The following BRCC3 variants were observed in gnomAD, a reference collection of about 807,000 sequenced individuals.
BRCC3 encodes the protein BRCA1/BRCA2-containing complex subunit 3.
BRCC3 carries 15 observed loss-of-function variants against 28.0 expected under a neutral mutation model. The observed-to-expected ratio is 0.54, with a 90% CI of 0.36 to 0.82. BRCC3 has a LOEUF of 0.82. Ranked by LOEUF, BRCC3 falls within the 40% of genes least tolerant of loss-of-function variation. The pLI, the probability that BRCC3 is intolerant of heterozygous loss-of-function variation, is 0.01. For synonymous variants in BRCC3, 66 were observed against 80.3 expected (o/e 0.82, Z 0.95); for missense variants, 109 against 225.9 (o/e 0.48, Z 3.32).
chrX:155,091,007 G>A (rs1044668983), intron 7 of BRCC3, among the ~76,000 whole-genome samples, 168 bp downstream of exon 7: 2 of 111,765 alleles, frequency 1.8e-5, no homozygotes, highest in Non-Finnish European at 3.8e-5. Context: ...TTAGCAGCTT[G>A]GATACTGGGG....
chrX:155,091,359 C>A lies in BRCC3; in HGVS notation c.548+520C>A, dbSNP rs1028205420. Among the ~76,000 whole-genome samples the A allele has an allele frequency of 3.6e-5, 4 of 109,952 alleles. No individual in the cohort carries two copies. The East Asian group carries it at 1.1e-3, about 31-fold the overall frequency. ...TAATCTTGGCTCAGTGTAACCTCCACCTCCCGGGTTCATGCATTTCTCCTG... is the reference window on the plus strand; with the variant it reads ...TAATCTTGGCTCAGTGTAACCTCCAACTCCCGGGTTCATGCATTTCTCCTG... On this transcript the variant is annotated intron_variant, in intron 7 of 10. Transcript: ENST00000330045.
intron 5 of BRCC3, among the ~76,000 whole-genome samples, chrX:155,083,797 A>G (rs2074100637): frequency 8.9e-6 from 1 of 112,582 alleles, no homozygotes; most frequent in Admixed American, 9.4e-5. Flanking sequence ...TTAAAATCCC[A>G]TCTTATAAAA....
At chrX:155,098,961 T>TTTTG (rs201052228) in intron 7 of BRCC3, among the ~76,000 whole-genome samples, 8 of 111,209 alleles carry the variant, frequency 7.2e-5, no homozygotes, top group African/African-American at 1.3e-4. Context: ...TGAAGCTGTT[T>TTTTG]TTTGTTTGTT....
chrX:155,085,943 G>A (rs1341160537), intron 5 of BRCC3, among the ~76,000 whole-genome samples: 1 of 111,836 alleles, frequency 8.9e-6, no homozygotes, highest in East Asian at 2.8e-4. Flanking sequence ...GTGATTTCAG[G>A]AGGTTCTTTC....
chrX:155,122,711 G>A lies in BRCC3; in HGVS notation c.*1507G>A. On this transcript the variant is annotated 3_prime_UTR_variant, in exon 11 of 11. Coordinates refer to ENST00000330045, the MANE Select transcript of BRCC3 (RefSeq NM_001018055.3). ...ACAAGAACTTGGTTGTACCTCAGGG[G>A]TATTATGGTGAACAAAAAAAAAACC... 9.0e-6 allele frequency: 1 copy of A among 110,633 alleles called. No homozygotes were observed. The highest frequency in any genetic ancestry group is 1.9e-5 in the Non-Finnish European group (1 of 52,837). 9.1% of individuals were successfully genotyped at this position (110,633 alleles called of 1,213,427 possible).
chrX:155,113,488 A>T (rs1196267758), intron 7 of BRCC3, among the ~76,000 whole-genome samples: 2 of 111,435 alleles, frequency 1.8e-5, no homozygotes, highest in Non-Finnish European at 3.8e-5. Context: ...TACACCGTAT[A>T]TAAAACTTAA....
chrX:155,106,270 T>A (rs1429292410), intron 7 of BRCC3, among the ~76,000 whole-genome samples: 1 of 111,964 alleles, frequency 8.9e-6, no homozygotes, highest in Non-Finnish European at 1.9e-5. Context: ...TTGTTAATGT[T>A]TTTTTTCTAT....
Position 155,071,559 on chromosome X carries a change from C to T in BRCC3, c.32C>T (p.Ala11Val). Residue 11 changes from alanine (A) to valine (V), a missense_variant, in exon 1 of 11, where the codon GCG becomes GTG. By Grantham distance (64) the Ala-to-Val change is moderately conservative. Transcript: ENST00000330045. ...GTGCAGGTGGTGCAGGCGGTGCAGGCGGTTCATCTCGAGTCTGACGCTTTC... is the reference window on the plus strand; with the variant it reads ...GTGCAGGTGGTGCAGGCGGTGCAGGTGGTTCATCTCGAGTCTGACGCTTTC... MAVQVVQAVQ[A>V]VHLESDAFLV... is the part of the protein sequence containing the mutation. 1.7e-6 allele frequency: 2 copies of T among 1,205,319 alleles called. No homozygotes were observed. The highest frequency in any genetic ancestry group is 1.7e-5 in the African/African-American group (1 of 57,830).
intron 7 of BRCC3, among the ~76,000 whole-genome samples, chrX:155,105,492 A>T (rs782619128): frequency 8.9e-6 from 1 of 112,077 alleles, no homozygotes. Context: ...TAATTAAAAA[A>T]AAGCTTATCT....
At chrX:155,084,808 A>AT (rs2074110271) in intron 5 of BRCC3, among the ~76,000 whole-genome samples, 1 of 107,636 alleles carries the variant, frequency 9.3e-6, no homozygotes, top group East Asian at 2.9e-4. Flanking sequence ...CTGTCTCTTA[A>AT]TTTTTTTTTT....
chrX:155,077,511 A>G (rs1263082641), intron 4 of BRCC3, among the ~76,000 whole-genome samples: 1 of 111,904 alleles, frequency 8.9e-6, no homozygotes, highest in African/African-American at 3.3e-5. Context: ...AAAAGATCTC[A>G]GGGTCAAACA....
intron 7 of BRCC3, among the ~76,000 whole-genome samples, chrX:155,095,337 G>A (rs1557296127): frequency 9.0e-6 from 1 of 111,391 alleles, no homozygotes; most frequent in African/African-American, 3.3e-5. Flanking sequence ...TTTTGTTCTT[G>A]TCACCCAGAC....
rs147474270 is a variant in BRCC3 at position 155,112,484 on chromosome X, C to T, written c.549-3573C>T. ...AATTTTTCATCTAACATTTTTGGAC[C>T]GTGGTTGACCACAGGTAACTGAAAC... On this transcript the variant is annotated intron_variant, in intron 7 of 10. Transcript: ENST00000330045. Among the ~76,000 whole-genome samples the T allele has an allele frequency of 3.5e-3, 396 of 112,573 alleles. 1 individual carries two copies. The highest frequency in any genetic ancestry group is 0.014 in the Middle Eastern group (3 of 219).
At chrX:155,077,334 C>T (rs868982302) in intron 4 of BRCC3, 45 bp downstream of exon 4, 3 of 1,116,929 alleles carry the variant, frequency 2.7e-6, no homozygotes, top group Middle Eastern at 5.2e-4. Context: ...TCTGGGGTTC[C>T]TGGGCCGCAT....
At chrX:155,107,536 C>T (rs1471673460) in intron 7 of BRCC3, among the ~76,000 whole-genome samples, 1 of 110,152 alleles carries the variant, frequency 9.1e-6, no homozygotes, top group African/African-American at 3.3e-5. Flanking sequence ...TTCCTTATAC[C>T]ACCTGGCCAA....
intron 6 of BRCC3, 116 bp from the exon 7 acceptor site, chrX:155,090,668 A>G: frequency 1.9e-6 from 1 of 539,562 alleles, no homozygotes; most frequent in Non-Finnish European, 3.1e-6. Context: ...AATTTATGGC[A>G]TATTCCATCT....
chrX:155,086,516 A>G (rs2074130590), intron 5 of BRCC3, among the ~76,000 whole-genome samples: 1 of 109,603 alleles, frequency 9.1e-6, no homozygotes, highest in Non-Finnish European at 1.9e-5. Flanking sequence ...ACGCCTGGCT[A>G]ATTTTTTTTT....
chrX:155,088,469 TCAGCCTCC>T (rs2074150447), intron 5 of BRCC3, among the ~76,000 whole-genome samples: 1 of 106,711 alleles, frequency 9.4e-6, no homozygotes, highest in Non-Finnish European at 1.9e-5. Flanking sequence ...TTCTCCAGCC[TCAGCCTCC>T]CAAGTAGCTG....
At chrX:155,106,882 C>T (rs782033542) in intron 7 of BRCC3, among the ~76,000 whole-genome samples, 2 of 111,962 alleles carry the variant, frequency 1.8e-5, no homozygotes, top group East Asian at 5.6e-4. Context: ...AGAAATTATT[C>T]ATTTTTTATG....
Sources: gnomAD v4.1 joint callset for allele counts (sites outside exome capture counted in the v4.1 genomes callset) on GRCh38, gnomAD v4.1.1 for gene constraint, MANE v1.5 for transcripts, NCBI Gene and HGNC (gene_info 2026-07-23, HGNC 2026-07-21) for gene names.